Variants in HSP90AA1 observed in about 807,000 individuals in gnomAD.
The protein encoded by HSP90AA1 is heat shock protein 90 alpha family class A member 1, also known as heat shock protein HSP 90-alpha.
HSP90AA1 carries 18 observed loss-of-function variants against 73.3 expected under a neutral mutation model. The observed-to-expected ratio is 0.25, with a 90% CI of 0.17 to 0.36. The LOEUF (loss-of-function observed/expected upper bound fraction) is 0.36, where lower values mean the gene tolerates loss of function less well. Among genes scored for constraint, HSP90AA1 ranks in the 10% least tolerant of loss-of-function variants. HSP90AA1 has a pLI of 1.00. For synonymous variants in HSP90AA1, 477 were observed against 296.9 expected, an observed-to-expected ratio of 1.61 and a Z score of -6.24; for missense variants, 704 against 874.2, an observed-to-expected ratio of 0.81 and a Z score of 2.45.
At chr14:102,128,093 A>G (rs973555460) in intron 1 of HSP90AA1, among the ~76,000 whole-genome samples, 10 of 152,192 alleles carry the variant, frequency 6.6e-5, no homozygotes, top group East Asian at 1.9e-4. Flanking sequence ...GAGGCAGTGC[A>G]GTGTGGGAGT....
upstream of HSP90AA1, chr14:102,087,144 A>AGCC (rs1271891962): frequency 3.1e-6 from 3 of 982,432 alleles, no homozygotes; most frequent in East Asian, 1.2e-4. Context: ...AACCCTCCCC[A>AGCC]GCCGCCGCCG....
At chr14:102,134,632 C>G (rs1477398541) in intron 1 of HSP90AA1, among the ~76,000 whole-genome samples, 1 of 152,072 alleles carries the variant, frequency 6.6e-6, no homozygotes, top group Non-Finnish European at 1.5e-5. Context: ...AGTATTACAG[C>G]TCCTAAGGCA....
At chr14:102,096,709 G>A (rs2049429795) in intron 2 of HSP90AA1, among the ~76,000 whole-genome samples, 2 of 152,212 alleles carry the variant, frequency 1.3e-5, no homozygotes. Context: ...TTGCTTTCCA[G>A]CGGGACCAAA....
chr14:102,082,561 A>G (rs2049122912), intron 9 of HSP90AA1, 117 bp from the exon 10 acceptor site: 2 of 767,506 alleles, frequency 2.6e-6, no homozygotes, highest in Non-Finnish European at 4.4e-6. Context: ...CTACTGTCAA[A>G]TACAACTTAA....
At chr14:102,135,524 C>T (rs2049979122) in intron 1 of HSP90AA1, among the ~76,000 whole-genome samples, 2 of 152,384 alleles carry the variant, frequency 1.3e-5, no homozygotes, top group South Asian at 4.1e-4. Context: ...TTCCTCAGCC[C>T]TTGGGTGGTC....
intron 2 of HSP90AA1, among the ~76,000 whole-genome samples, chr14:102,101,568 G>T (rs1251890797): frequency 6.6e-6 from 1 of 152,234 alleles, no homozygotes; most frequent in African/African-American, 2.4e-5. Flanking sequence ...TCTTCTGGGA[G>T]CCCAAGGGAT....
At chr14:102,101,742 A>T in intron 2 of HSP90AA1, 1 of 738,298 alleles carries the variant, frequency 1.4e-6, no homozygotes, top group Non-Finnish European at 2.3e-6. Flanking sequence ...GTGGATGGGT[A>T]GGCAGGGAAT....
intron 2 of HSP90AA1, among the ~76,000 whole-genome samples, chr14:102,094,779 C>G (rs2049403108): frequency 6.6e-6 from 1 of 152,120 alleles, no homozygotes; most frequent in Non-Finnish European, 1.5e-5. Context: ...GAAACGTGGC[C>G]TGGAGATCAT....
chr14:102,105,875 G>A (rs1416468758), intron 1 of HSP90AA1, among the ~76,000 whole-genome samples: 2 of 152,150 alleles, frequency 1.3e-5, no homozygotes, highest in East Asian at 3.8e-4. Context: ...TTCCAGACCA[G>A]CCTGGCCAAC....
rs143618187 is a variant in HSP90AA1, at chr14:102,093,424, G to A, written c.367-7046C>T. ...CTCGGGAGGCTGAGGCAAGAGAACC[G>A]CTTAAACCCGAGAGCACACCACTGC... On this transcript the variant is annotated intron_variant, in intron 2 of 11. Coordinates refer to the HSP90AA1 transcript ENST00000334701. Among the ~76,000 whole-genome samples, 478 of 147,080 alleles carry A rather than the reference G, an allele frequency of 3.2e-3. 1 individual carries two copies. Among genetic ancestry groups the A allele is most frequent in the Non-Finnish European group, 5.6e-3 (376 of 67,062 alleles).
At chr14:102,126,201 T>C (rs1207571844) in intron 1 of HSP90AA1, among the ~76,000 whole-genome samples, 2 of 152,048 alleles carry the variant, frequency 1.3e-5, no homozygotes, top group African/African-American at 2.4e-5. Context: ...TTCTATTCCC[T>C]CTGATGAACA....
chr14:102,085,061 C>T, intron 4 of HSP90AA1, 63 bp from the exon 5 acceptor site: 4 of 1,612,056 alleles, frequency 2.5e-6, no homozygotes, highest in South Asian at 2.2e-5. Context: ...CAGCGCTGCA[C>T]CACTATTTTC....
chr14:102,118,102 C>T (rs946207875), intron 1 of HSP90AA1, among the ~76,000 whole-genome samples: 1 of 152,176 alleles, frequency 6.6e-6, no homozygotes, highest in East Asian at 1.9e-4. Context: ...GCCTGACTTA[C>T]AGACTCCCCT....
upstream of HSP90AA1, among the ~76,000 whole-genome samples, chr14:102,091,833 C>T (rs1231611285): frequency 6.6e-6 from 1 of 152,022 alleles, no homozygotes; most frequent in African/African-American, 2.4e-5. Context: ...TGCCATATTA[C>T]CCAGGCTGGT....
At chr14:102,139,339 A>C in exon 1 of HSP90AA1, 1 of 1,612,914 alleles carries the variant, frequency 6.2e-7, no homozygotes, top group South Asian at 1.1e-5. Context: ...TCTGGGCGGG[A>C]CAGTCCCTGT....
At chr14:102,122,378 T>A (rs1430553057) in intron 1 of HSP90AA1, among the ~76,000 whole-genome samples, 1 of 151,412 alleles carries the variant, frequency 6.6e-6, no homozygotes, top group African/African-American at 2.4e-5. Context: ...CCTCCCAGGT[T>A]CACAACATTC....
chr14:102,101,123 C>A (rs1178656285), intron 2 of HSP90AA1, among the ~76,000 whole-genome samples: 3 of 152,188 alleles, frequency 2.0e-5, no homozygotes, highest in Non-Finnish European at 4.4e-5. Context: ...AAATTTGGTT[C>A]ACTTCTCTCC....
intron 1 of HSP90AA1, among the ~76,000 whole-genome samples, chr14:102,120,074 A>G (rs1014737803): frequency 2.5e-4 from 38 of 152,188 alleles, no homozygotes; most frequent in Admixed American, 2.4e-3. Flanking sequence ...TAGTTTTATT[A>G]GAATACAGAC....
chr14:102,125,865 T>G (rs1366477906), intron 1 of HSP90AA1, among the ~76,000 whole-genome samples: 1 of 151,350 alleles, frequency 6.6e-6, no homozygotes, highest in Non-Finnish European at 1.5e-5. Context: ...ACCTATTGAA[T>G]GTCAGGCCCC....
Sources: gnomAD v4.1 joint callset for allele counts (sites outside exome capture counted in the v4.1 genomes callset) on GRCh38, gnomAD v4.1.1 for gene constraint, MANE v1.5 for transcripts, NCBI Gene and HGNC (gene_info 2026-07-23, HGNC 2026-07-21) for gene names.